CENPO: variants seen among roughly 807,000 people sequenced by gnomAD.
CENPO encodes centromere protein O.
In CENPO, 30 loss-of-function variants were observed where a neutral mutation model predicts 36.1. The observed-to-expected ratio is 0.83, with a 90% CI of 0.62 to 1.13. CENPO has a LOEUF of 1.13. CENPO is among the 50% of genes most tolerant of loss of function. The probability of loss-of-function intolerance (pLI) is 0.00; values close to 1 mark genes in which losing one functional copy is unlikely to be tolerated. For synonymous variants in CENPO, 171 were observed against 142.3 expected, an observed-to-expected ratio of 1.20 and a Z score of -1.44; for missense variants, 349 against 357.8, an observed-to-expected ratio of 0.98 and a Z score of 0.20.
At chr2:24,802,805 T>G (rs1174943746) in intron 3 of CENPO, among the ~76,000 whole-genome samples, 3 of 152,204 alleles carry the variant, frequency 2.0e-5, no homozygotes, top group African/African-American at 7.2e-5. Flanking sequence ...TGGTTGTGTC[T>G]CTGCCAGGCT....
At chr2:24,816,172 A>C (rs531562173) in intron 5 of CENPO, 2 of 189,932 alleles carry the variant, frequency 1.1e-5, no homozygotes, top group Non-Finnish European at 2.2e-5. Context: ...CTTCCCCTAA[A>C]CTCTAGCCTA....
At position 24,793,460 on chromosome 2, in the gene CENPO, T is replaced by C. The variant is rs768751516; in HGVS notation, c.-110T>C. On this transcript the variant is annotated 5_prime_UTR_variant, in exon 1 of 8. Coordinates refer to ENST00000380834, the MANE Select transcript of CENPO (RefSeq NM_001322101.2). Reference sequence around the variant, plus strand: ...AGCACGCCGGGACCGGTTGGTTTGGTTTTGAAGACGTGGATGGCGGGAATT... The same window carrying C: ...AGCACGCCGGGACCGGTTGGTTTGGCTTTGAAGACGTGGATGGCGGGAATT... 7.5e-6 allele frequency: 12 copies of C among 1,604,964 alleles called. No homozygotes were observed. In the Admixed American group the frequency reaches 1.9e-4, roughly 25 times the overall value.
At position 24,821,508 on chromosome 2, in the gene CENPO, G is replaced by C; in HGVS notation, c.*2190G>C. 6.2e-7 allele frequency: 1 copy of C among 1,613,700 alleles called. No homozygotes were observed. The highest frequency in any genetic ancestry group is 8.5e-7 in the Non-Finnish European group (1 of 1,179,784). On this transcript the variant is annotated 3_prime_UTR_variant, in exon 8 of 8. Coordinates refer to ENST00000380834, the MANE Select transcript of CENPO (RefSeq NM_001322101.2). ...CCTGCTGCGGGGCAGGCCAGCTGGG[G>C]GTGCTCACCTATGCGCAGCATGAAG... is the stretch of plus-strand genomic sequence containing the variant.
rs1022324881 is a variant in CENPO, at chr2:24,821,068, T to G, written c.*1750T>G. ...CGCCACCCCCCCCCCATATGCAGATTTACTCGGCATGGTAGTGGCCAGCTT... is the reference window on the plus strand; with the variant it reads ...CGCCACCCCCCCCCCATATGCAGATGTACTCGGCATGGTAGTGGCCAGCTT... On this transcript the variant is annotated 3_prime_UTR_variant, in exon 8 of 8. Coordinates refer to ENST00000380834, the MANE Select transcript of CENPO (RefSeq NM_001322101.2). The G allele has an allele frequency of 2.6e-5, 16 of 607,432 alleles. No homozygotes were observed. The highest frequency in any genetic ancestry group is 6.5e-5 in the Admixed American group (2 of 30,566). 37.6% of individuals were successfully genotyped at this position (607,432 alleles called of 1,614,324 possible).
chr2:24,811,615 C>A lies in CENPO; in HGVS notation c.217-2761C>A, dbSNP rs559606671. Among the ~76,000 whole-genome samples, 12 of 152,300 alleles carry A rather than the reference C, an allele frequency of 7.9e-5. No homozygotes were observed. The South Asian group carries it at 2.5e-3, about 32-fold the overall frequency. ...TAGCTGGGACTACAGGCGCCCGCCA[C>A]CACGCCCAGCTAGTTTTTTGTATTT... On this transcript the variant is annotated intron_variant, in intron 3 of 7. Coordinates refer to ENST00000380834, the MANE Select transcript of CENPO (RefSeq NM_001322101.2).
rs948576097 is a variant in CENPO at position 24,801,680 on chromosome 2, G to A, written c.216+1836G>A. Among the ~76,000 whole-genome samples, 152 of 152,116 alleles carry A rather than the reference G, an allele frequency of 1.0e-3. 2 individuals are homozygous for A. The highest frequency in any genetic ancestry group is 6.5e-4 in the African/African-American group (27 of 41,428). On this transcript the variant is annotated intron_variant, in intron 3 of 7. Transcript: ENST00000380834. Reference sequence around the variant, plus strand: ...CTGAGGCTTCTGTTCTGTTCCATTGGTCTATATCTCTGTTTTGGTACCAGT... The same window carrying A: ...CTGAGGCTTCTGTTCTGTTCCATTGATCTATATCTCTGTTTTGGTACCAGT...
chr2:24,804,358 A>G (rs1229036293), intron 3 of CENPO, among the ~76,000 whole-genome samples: 1 of 152,116 alleles, frequency 6.6e-6, no homozygotes. Flanking sequence ...TGTGAATTTG[A>G]TCCTGTCATT....
intron 3 of CENPO, among the ~76,000 whole-genome samples, chr2:24,808,219 T>A (rs185368389): frequency 6.6e-6 from 1 of 152,348 alleles, no homozygotes; most frequent in Non-Finnish European, 1.5e-5. Context: ...TTATTTTTTT[T>A]ATTTTTTTTG....
chr2:24,795,637 CT>C (rs1665865743), intron 2 of CENPO, among the ~76,000 whole-genome samples: 1 of 152,170 alleles, frequency 6.6e-6, no homozygotes, highest in African/African-American at 2.4e-5. Flanking sequence ...ATCTCAGAAA[CT>C]TTGGGAATAT....
chr2:24,818,037 G>A (rs1043953495), intron 7 of CENPO, among the ~76,000 whole-genome samples, 196 bp downstream of exon 7: 1 of 152,110 alleles, frequency 6.6e-6, no homozygotes, highest in Non-Finnish European at 1.5e-5. Context: ...TTTTTTAAAG[G>A]TATTAGTTGA....
In CENPO at chr2:24,799,958, T is replaced by A. The variant is rs17046556; in HGVS notation, c.216+114T>A. 237 of 1,176,570 alleles carry A rather than the reference T, an allele frequency of 2.0e-4. No individual in the cohort carries two copies. The African/African-American group carries it at 3.1e-3, about 15-fold the overall frequency. The allele number at this position is 1,176,570 out of a possible 1,614,324, so 72.9% of individuals were successfully genotyped here. A position where few individuals can be genotyped will look rare whatever the true frequency, so the allele number is the denominator to read the frequency against. ...GTGTTTTACTTGTGATCTTACTGGA[T>A]TGATTGCAGTCCTTGATCCCTCAAA... On this transcript the variant is annotated intron_variant, in intron 3 of 7. Transcript: ENST00000380834.
At chr2:24,794,028 GCCCTTTCCT>G (rs771023218) in intron 2 of CENPO, 63 bp downstream of exon 2, 65 of 1,302,384 alleles carry the variant, frequency 5.0e-5, no homozygotes, top group Non-Finnish European at 6.7e-5. Flanking sequence ...GGCTGAGAGA[GCCCTTTCCT>G]CCTGGAACTG....
chr2:24,821,008 TCTC>T lies in CENPO; in HGVS notation c.*1693_*1695del, dbSNP rs1293310451. The T allele has an allele frequency of 5.8e-6, 6 of 1,026,096 alleles. No homozygotes were observed. Among genetic ancestry groups the T allele is most frequent in the South Asian group, 3.4e-5 (2 of 57,982 alleles). 63.6% of individuals were successfully genotyped at this position (1,026,096 alleles called of 1,614,324 possible). On this transcript the variant is annotated 3_prime_UTR_variant, in exon 8 of 8. Coordinates refer to ENST00000380834, the MANE Select transcript of CENPO (RefSeq NM_001322101.2). ...ATGCTATTGGAGGGTGGAAATCACA[TCTC>T]CTGTTTATCCGTGTGCTTGTTAGGT... is the stretch of plus-strand genomic sequence containing the variant.
At chr2:24,800,805 A>G (rs543429542) in intron 3 of CENPO, among the ~76,000 whole-genome samples, 149 of 152,234 alleles carry the variant, frequency 9.8e-4, no homozygotes, top group Non-Finnish European at 1.3e-3. Flanking sequence ...ATGTGTCTTT[A>G]TAGCAGCATG....
rs1325364878 is a variant in CENPO at position 24,819,874 on chromosome 2, TC to T, written c.*557del. ...CAATCCAGGAAGGTCGGGACTTCCT[TC>T]AGTTTCAAAAAATAAATTCTCCCTT... is the stretch of plus-strand genomic sequence containing the variant. On this transcript the variant is annotated 3_prime_UTR_variant, in exon 8 of 8. Coordinates refer to ENST00000380834, the MANE Select transcript of CENPO (RefSeq NM_001322101.2). 4.5e-6 allele frequency: 7 copies of T among 1,567,206 alleles called. No individual in the cohort carries two copies. In the African/African-American group the frequency reaches 9.5e-5, roughly 21 times the overall value.
chr2:24,810,152 C>T (rs1666611266), intron 3 of CENPO, among the ~76,000 whole-genome samples: 1 of 151,664 alleles, frequency 6.6e-6, no homozygotes, highest in African/African-American at 2.4e-5. Flanking sequence ...ATGAATTTTT[C>T]CCCTTTTATT....
chr2:24,815,237 C>CA (rs36071782), intron 4 of CENPO, among the ~76,000 whole-genome samples: 32,312 of 108,880 alleles, frequency 0.3, 3,654 homozygotes, highest in Middle Eastern at 0.38. Flanking sequence ...AACCCTATCT[C>CA]AAAAAAAAAA....
intron 7 of CENPO, 149 bp from the exon 8 acceptor site, chr2:24,819,205 G>A (rs895140954): frequency 2.0e-5 from 3 of 152,592 alleles, no homozygotes; most frequent in Non-Finnish European, 2.9e-5. Flanking sequence ...AAACAGTCTT[G>A]TTCTTTATCA....
At chr2:24,805,031 ATTC>A (rs1446365004) in intron 3 of CENPO, among the ~76,000 whole-genome samples, 1 of 152,034 alleles carries the variant, frequency 6.6e-6, no homozygotes, top group Non-Finnish European at 1.5e-5. Context: ...GTTTCTTTTT[ATTC>A]TTTTTTCTCT....
Sources: allele counts gnomAD v4.1 joint callset (sites outside exome capture counted in the v4.1 genomes callset), GRCh38; gene constraint gnomAD v4.1.1; transcripts MANE v1.5; gene names NCBI Gene and HGNC (gene_info 2026-07-23, HGNC 2026-07-21).